The following CFAP95 variants were observed in gnomAD, a reference collection of about 807,000 sequenced individuals.
The protein encoded by CFAP95 is cilia- and flagella-associated protein 95.
chr9:69,857,872 C>T, the CFAP95 span: 1 of 1,593,952 alleles, frequency 6.3e-7, no homozygotes, highest in South Asian at 1.1e-5. Context: ...ACATTACACT[C>T]TAACAAGTTT....
the CFAP95 span, among the ~76,000 whole-genome samples, chr9:69,827,668 T>C: frequency 6.6e-6 from 1 of 152,208 alleles, no homozygotes; most frequent in Non-Finnish European, 1.5e-5. Flanking sequence ...CCAACCGCTG[T>C]GCATGCTGCT....
At chr9:69,885,126 TCCAACAGC>T in the CFAP95 span, 30 of 152,350 alleles carry the variant, frequency 2.0e-4, no homozygotes, top group East Asian at 5.0e-3. Flanking sequence ...CACCCAGGTA[TCCAACAGC>T]CCGTCTAAGT....
chr9:69,841,490 A>G, the CFAP95 span, among the ~76,000 whole-genome samples: 1 of 152,086 alleles, frequency 6.6e-6, no homozygotes, highest in Admixed American at 6.6e-5. Context: ...CCTGTTCCAC[A>G]GCAAATGAAG....
the CFAP95 span, among the ~76,000 whole-genome samples, chr9:69,865,335 G>A: frequency 1.1e-3 from 173 of 152,242 alleles, 1 homozygote; most frequent in Non-Finnish European, 1.2e-3. Flanking sequence ...TGAGGAGGAG[G>A]ATAAAAACAA....
At chr9:69,885,846 G>A in the CFAP95 span, among the ~76,000 whole-genome samples, 1 of 152,088 alleles carries the variant, frequency 6.6e-6, no homozygotes, top group African/African-American at 2.4e-5. Context: ...CTTGAGCCTG[G>A]GCTTTCACAC....
chr9:69,883,308 G>A, the CFAP95 span, among the ~76,000 whole-genome samples: 5 of 152,232 alleles, frequency 3.3e-5, no homozygotes, highest in Non-Finnish European at 7.3e-5. Context: ...GGCTTGGAAT[G>A]TTTCTGTGTT....
the CFAP95 span, among the ~76,000 whole-genome samples, chr9:69,837,893 T>G: frequency 3.3e-5 from 5 of 152,222 alleles, no homozygotes; most frequent in African/African-American, 1.2e-4. Context: ...TAATCCATCT[T>G]GAATTGATTT....
At chr9:69,902,652 T>A in the CFAP95 span, among the ~76,000 whole-genome samples, 4 of 152,148 alleles carry the variant, frequency 2.6e-5, no homozygotes, top group African/African-American at 2.4e-5. Context: ...AATAGTAAGG[T>A]TTTTTAAGGT....
chr9:69,901,817 T>C, the CFAP95 span, among the ~76,000 whole-genome samples: 10 of 152,152 alleles, frequency 6.6e-5, no homozygotes, highest in African/African-American at 1.9e-4. Flanking sequence ...AGTGTAAAAG[T>C]GTTCCTATTT....
the CFAP95 span, among the ~76,000 whole-genome samples, chr9:69,898,587 T>A: frequency 1.3e-5 from 2 of 152,226 alleles, no homozygotes; most frequent in East Asian, 3.8e-4. Context: ...AATAGTTCAA[T>A]GTGTATCTCC....
the CFAP95 span, among the ~76,000 whole-genome samples, chr9:69,884,024 T>G: frequency 6.6e-6 from 1 of 152,128 alleles, no homozygotes; most frequent in Non-Finnish European, 1.5e-5. Context: ...ATGTAGGCAC[T>G]TATAGCTATA....
At chr9:69,847,306 C>G in the CFAP95 span, among the ~76,000 whole-genome samples, 2 of 152,154 alleles carry the variant, frequency 1.3e-5, no homozygotes, top group Admixed American at 1.3e-4. Context: ...GACAGCTGTT[C>G]AGGCAGGTAT....
the CFAP95 span, among the ~76,000 whole-genome samples, chr9:69,840,376 A>G: frequency 2.0e-5 from 3 of 152,218 alleles, no homozygotes; most frequent in African/African-American, 7.2e-5. Context: ...TAGTTTTGAC[A>G]AAGTGTTTAA....
the CFAP95 span, among the ~76,000 whole-genome samples, chr9:69,888,897 A>AT: frequency 6.6e-6 from 1 of 151,760 alleles, no homozygotes; most frequent in Admixed American, 6.6e-5. Flanking sequence ...AAAAAAAAAA[A>AT]TTTGACCTAA....
chr9:69,848,405 T>C, the CFAP95 span, among the ~76,000 whole-genome samples: 4 of 152,110 alleles, frequency 2.6e-5, no homozygotes, highest in Admixed American at 2.6e-4. Context: ...AGGCAAGACA[T>C]TTAAGTCTAG....
the CFAP95 span, among the ~76,000 whole-genome samples, chr9:69,881,164 C>T: frequency 6.6e-6 from 1 of 152,146 alleles, no homozygotes; most frequent in South Asian, 2.1e-4. Context: ...AGATTTTTAA[C>T]TTGATGTGAT....
chr9:69,852,301 A>C, the CFAP95 span, among the ~76,000 whole-genome samples: 1 of 152,160 alleles, frequency 6.6e-6, no homozygotes, highest in African/African-American at 2.4e-5. Flanking sequence ...CTTTATTCCA[A>C]GTAAGTGAGA....
the CFAP95 span, among the ~76,000 whole-genome samples, chr9:69,855,805 A>G: frequency 1.3e-5 from 2 of 152,174 alleles, no homozygotes; most frequent in Non-Finnish European, 2.9e-5. Context: ...CTGGTTTTCT[A>G]AAGAGTGGTC....
chr9:69,868,805 GAAA>G, the CFAP95 span, among the ~76,000 whole-genome samples: 1 of 139,622 alleles, frequency 7.2e-6, no homozygotes, highest in Admixed American at 7.1e-5. Context: ...CAACTTATTA[GAAA>G]AAAAAAAAAA....
Sources: allele counts gnomAD v4.1 joint callset (sites outside exome capture counted in the v4.1 genomes callset), GRCh38; gene constraint gnomAD v4.1.1; transcripts MANE v1.5; gene names NCBI Gene and HGNC (gene_info 2026-07-23, HGNC 2026-07-21).